The following HMCN2 variants were observed in gnomAD, a reference collection of about 807,000 sequenced individuals.
HMCN2 encodes the protein hemicentin-2.
Under a neutral mutation model 377.5 loss-of-function variants are expected in HMCN2, and 325 were observed. The observed-to-expected ratio is 0.86, with a 90% confidence interval of 0.79 to 0.94. HMCN2 has a LOEUF of 0.94. Ranked by LOEUF, HMCN2 falls within the 40% of genes least tolerant of loss-of-function variation. The probability of loss-of-function intolerance (pLI) is 0.00; values close to 1 mark genes in which losing one functional copy is unlikely to be tolerated. For synonymous variants in HMCN2, 2,007 were observed against 2,046.8 expected (o/e 0.98, Z 0.53); for missense variants, 4,543 against 4,725.3 (o/e 0.96, Z 1.13).
At position 130,358,086 on chromosome 9, in the gene HMCN2, T is replaced by G. The variant is rs530225386; in HGVS notation, c.5580+98T>G. ...AGACTCTGAGCAAATCCCAGCAGGC[T>G]GGGCATAGGAAGGGCCCAGAGCCCT... On this transcript the variant is annotated intron_variant, in intron 35 of 97. Coordinates refer to ENST00000683500, the MANE Select transcript of HMCN2 (RefSeq NM_001291815.2). 6.4e-6 allele frequency: 7 copies of G among 1,085,396 alleles called. No homozygotes were observed. In the South Asian group the frequency reaches 1.1e-4, roughly 17 times the overall value. 67.2% of individuals were successfully genotyped at this position (1,085,396 alleles called of 1,614,324 possible). A position where few individuals can be genotyped will look rare whatever the true frequency, so the allele number is the denominator to read the frequency against.
chr9:130,348,758 C>T, intron 27 of HMCN2, 83 bp downstream of exon 27: 1 of 1,276,216 alleles, frequency 7.8e-7, no homozygotes. Flanking sequence ...TCTGCGTGTG[C>T]CAAGGTGGGG....
At chr9:130,335,142 G>A (rs1039208971) in intron 22 of HMCN2, among the ~76,000 whole-genome samples, 7 of 152,026 alleles carry the variant, frequency 4.6e-5, no homozygotes, top group Admixed American at 1.3e-4. Flanking sequence ...GTTGAACCTC[G>A]GATCCAGAAC....
intron 19 of HMCN2, among the ~76,000 whole-genome samples, chr9:130,322,939 A>G (rs1375381117): frequency 1.3e-5 from 2 of 152,178 alleles, no homozygotes; most frequent in Admixed American, 1.3e-4. Flanking sequence ...AGTGGGAAGA[A>G]CGCGCGTTCC....
intron 36 of HMCN2, among the ~76,000 whole-genome samples, 190 bp from the exon 37 acceptor site, chr9:130,359,129 G>A (rs928829104): frequency 5.3e-5 from 8 of 152,200 alleles, no homozygotes; most frequent in African/African-American, 1.9e-4. Context: ...AAGGATGGCA[G>A]CCTGTTGCTC....
Position 130,359,314 on chromosome 9 carries a change from C to G in HMCN2, c.5678-5C>G, listed in dbSNP as rs747117412. On this transcript the variant is annotated splice_polypyrimidine_tract_variant and splice_region_variant and intron_variant, in intron 36 of 97. Coordinates refer to ENST00000683500, the MANE Select transcript of HMCN2 (RefSeq NM_001291815.2). The stretch of plus-strand genomic sequence containing the variant: ...CAAGCTGGGTCTCTCCTTGTCTCCC[C>G]CTAGTGCCCCCCAACATCGAGCCAG... 204 of 1,300,772 alleles carry G rather than the reference C, an allele frequency of 1.6e-4. No homozygotes were observed. The Middle Eastern group carries it at 2.3e-3, about 15-fold the overall frequency. The allele number at this position is 1,300,772 out of a possible 1,614,324, so 80.6% of individuals were successfully genotyped here.
At chr9:130,364,548 C>T (rs957105782) in intron 40 of HMCN2, among the ~76,000 whole-genome samples, 166 bp from the exon 41 acceptor site, 1 of 152,202 alleles carries the variant, frequency 6.6e-6, no homozygotes, top group Non-Finnish European at 1.5e-5. Flanking sequence ...ATGTGGATAT[C>T]GTGACAATTT....
At chr9:130,274,979 A>G (rs1317954427) in intron 1 of HMCN2, among the ~76,000 whole-genome samples, 1 of 152,200 alleles carries the variant, frequency 6.6e-6, no homozygotes, top group African/African-American at 2.4e-5. Flanking sequence ...CAGAGATAAA[A>G]TTGCTTTGTT....
At chr9:130,331,727 G>A (rs1203783207) in intron 22 of HMCN2, among the ~76,000 whole-genome samples, 2 of 152,202 alleles carry the variant, frequency 1.3e-5, no homozygotes, top group African/African-American at 2.4e-5. Context: ...ATGCTGGGGC[G>A]AGGCAGTGTT....
In HMCN2 at chr9:130,429,090, C is replaced by T. The variant is rs775280955; in HGVS notation, c.14198-467C>T. 4.9e-4 allele frequency: 94 copies of T among 190,392 alleles called. 1 individual carries two copies. The highest frequency in any genetic ancestry group is 7.5e-4 in the Non-Finnish European group (69 of 91,952). The allele number at this position is 190,392 out of a possible 1,614,324, so 11.8% of individuals were successfully genotyped here. A position where few individuals can be genotyped will look rare whatever the true frequency, so the allele number is the denominator to read the frequency against. The stretch of plus-strand genomic sequence containing the variant: ...ATCGCACCTCTGTGGCCCCCAGGGC[C>T]CTTGGAGTGCCCGACAACTCACCGG... On this transcript the variant is annotated intron_variant, in intron 93 of 97. Transcript: ENST00000683500.
At chr9:130,310,174 A>G (rs782014874) in intron 15 of HMCN2, 113 bp downstream of exon 15, 1 of 312,828 alleles carries the variant, frequency 3.2e-6, no homozygotes, top group Non-Finnish European at 6.6e-6. Context: ...TGTAGATGGC[A>G]TCATGTGGAT....
intron 66 of HMCN2, among the ~76,000 whole-genome samples, chr9:130,392,918 C>T (rs1465886148): frequency 1.5e-4 from 23 of 150,158 alleles, no homozygotes; most frequent in South Asian, 4.2e-4. Context: ...ATGGCGTGAA[C>T]CCGGGAGGCG....
chr9:130,404,784 G>A (rs78687626), intron 80 of HMCN2, 85 bp from the exon 81 acceptor site: 36,902 of 981,676 alleles, frequency 0.038, 838 homozygotes, highest in Non-Finnish European at 0.043. Flanking sequence ...AGGGCTGAAG[G>A]GCTGGGCCAA....
intron 60 of HMCN2, among the ~76,000 whole-genome samples, chr9:130,386,034 G>A (rs1299813367): frequency 6.6e-6 from 1 of 152,124 alleles, no homozygotes; most frequent in Non-Finnish European, 1.5e-5. Flanking sequence ...TATCTGGTCC[G>A]CTCCGGCTGA....
chr9:130,392,053 C>T lies in HMCN2; in HGVS notation c.10071C>T (p.Leu3357=). 1.0e-6 allele frequency: 1 copy of T among 988,520 alleles called. No individual in the cohort carries two copies. The highest frequency in any genetic ancestry group is 1.2e-6 in the Non-Finnish European group (1 of 830,528). 61.2% of individuals were successfully genotyped at this position (988,520 alleles called of 1,614,324 possible). The change falls in exon 66 of 98, where the codon CTC becomes CTT. Residue 3357 remains leucine (L), a synonymous_variant. Coordinates refer to ENST00000683500, the MANE Select transcript of HMCN2 (RefSeq NM_001291815.2). ...CCCCGCCCATCCACGTGAGCTGGCT[C>T]AAGGACGGCCTGCCCCTCCCGCTCT... ...RGSPPIHVSW[L]KDGLPLPLSQ... is the part of the protein sequence containing the mutation.
chr9:130,414,292 T>G lies in HMCN2; in HGVS notation c.12961+3640T>G, dbSNP rs952386438. Among the ~76,000 whole-genome samples the G allele has an allele frequency of 6.6e-6, 1 of 152,132 alleles. No homozygotes were observed. Among genetic ancestry groups the G allele is most frequent in the African/African-American group, 2.4e-5 (1 of 41,420 alleles). On this transcript the variant is annotated intron_variant, in intron 85 of 97. Transcript: ENST00000683500. The surrounding 1 kb of genome is among the most constrained non-coding windows in gnomAD (Gnocchi z 4.4). ...TGCCAGCAGAGGCCCGGTGTGGGCG[T>G]GCCTCCACCCATCCACCCATGCTCA...
At chr9:130,327,213 G>A (rs1049897507) in intron 21 of HMCN2, 97 bp from the exon 22 acceptor site, 11,716 of 152,322 alleles carry the variant, frequency 0.077, 583 homozygotes, top group Admixed American at 0.12. Context: ...GTGCAGTACC[G>A]GCTCTGCCTC....
rs1243605281 is a variant in HMCN2 at position 130,356,236 on chromosome 9, G to A, written c.5404G>A (p.Glu1802Lys). 3.8e-6 allele frequency: 5 copies of A among 1,299,916 alleles called. No homozygotes were observed. Among genetic ancestry groups the A allele is most frequent in the Middle Eastern group, 2.3e-4 (1 of 4,372 alleles). The allele number at this position is 1,299,916 out of a possible 1,614,324, so 80.5% of individuals were successfully genotyped here. ...CAATGAGGCGGGCACTGCCGGGGCCGAGGTGGAGGTGTCTGTGCATGGTGA... is the reference window on the plus strand; with the variant it reads ...CAATGAGGCGGGCACTGCCGGGGCCAAGGTGGAGGTGTCTGTGCATGGTGA... ...ATNEAGTAGA[E>K]VEVSVHEFPS... The change falls in exon 34 of 98, where the codon GAG becomes AAG. Residue 1802 changes from glutamate to lysine, a missense_variant. This residue lies in a region of HMCN2 where 1,032 missense variants were observed against 1,285.1 expected (regional missense o/e 0.80). Coordinates refer to ENST00000683500, the MANE Select transcript of HMCN2 (RefSeq NM_001291815.2).
chr9:130,302,562 A>G (rs1163724751), intron 8 of HMCN2, among the ~76,000 whole-genome samples: 1 of 152,120 alleles, frequency 6.6e-6, no homozygotes, highest in African/African-American at 2.4e-5. Flanking sequence ...AATAAACCAC[A>G]AAAGCCCCAG....
intron 11 of HMCN2, among the ~76,000 whole-genome samples, chr9:130,305,837 T>G (rs1057198313): frequency 5.3e-5 from 8 of 152,166 alleles, no homozygotes; most frequent in African/African-American, 1.7e-4. Context: ...GACATCTCCC[T>G]AAGGCTCCCT....
Sources: allele counts gnomAD v4.1 joint callset (sites outside exome capture counted in the v4.1 genomes callset), GRCh38; gene constraint gnomAD v4.1.1; regional missense constraint gnomAD v4.1.1; non-coding constraint Gnocchi (gnomAD v3.1); transcripts MANE v1.5; gene names NCBI Gene and HGNC (gene_info 2026-07-23, HGNC 2026-07-21).